NPC1: variants seen among roughly 807,000 people sequenced by gnomAD.
NPC1 encodes NPC intracellular cholesterol transporter 1.
A neutral mutation model predicts 140.4 loss-of-function variants in NPC1; 85 were observed. The ratio of observed to expected loss-of-function variants is 0.61; its 90% CI spans 0.51 to 0.72. NPC1 has a LOEUF of 0.72. Ranked by LOEUF, NPC1 falls within the 30% of genes least tolerant of loss-of-function variation. The pLI is 0.00. For synonymous variants in NPC1, 656 were observed against 624.8 expected (o/e 1.05, Z -0.74); for missense variants, 1,504 against 1,623.8 (o/e 0.93, Z 1.27).
Position 23,508,151 on chromosome 18 carries a change from T to C in NPC1, c.432-1509A>G, listed in dbSNP as rs147263748. 7.4e-3 allele frequency: 7,006 copies of C among 946,854 alleles called. 60 individuals are homozygous for C. The highest frequency in any genetic ancestry group is 7.3e-3 in the Non-Finnish European group (4,839 of 663,026). 58.7% of individuals were successfully genotyped at this position (946,854 alleles called of 1,614,324 possible). A position where few individuals can be genotyped will look rare whatever the true frequency, so the allele number is the denominator to read the frequency against. ...AGGGAGCACAGACTTGAAGTCAGACTGTCCCTCATGTTGATTCCCAAACTG... is the reference window on the plus strand; with the variant it reads ...AGGGAGCACAGACTTGAAGTCAGACCGTCCCTCATGTTGATTCCCAAACTG... On this transcript the variant is annotated intron_variant, in intron 3 of 3. Transcript: ENST00000591107.
chr18:23,508,188 G>C, intron 3 of NPC1: 1 of 660,648 alleles, frequency 1.5e-6, no homozygotes, highest in Non-Finnish European at 2.4e-6. Context: ...AGTCAGGCGG[G>C]GTGTTTGCTT....
At chr18:23,571,957 T>C (rs1016070084) in intron 3 of NPC1, 117 bp downstream of exon 3, 8 of 443,338 alleles carry the variant, frequency 1.8e-5, no homozygotes, top group African/African-American at 1.2e-4. Flanking sequence ...ATAATATACA[T>C]ATAATATAGA....
rs1294716552 is a variant in NPC1 at position 23,565,156 on chromosome 18, T to C, written c.464-3629A>G. ...CTATTCTAAGTCCCTCAAACTTCTATGTGAATTTCAGAATCAGCTTGTCAA... is the reference window on the plus strand; with the variant it reads ...CTATTCTAAGTCCCTCAAACTTCTACGTGAATTTCAGAATCAGCTTGTCAA... On this transcript the variant is annotated intron_variant, in intron 4 of 24. Transcript: ENST00000269228. Among the ~76,000 whole-genome samples, 11 of 152,348 alleles carry C rather than the reference T, an allele frequency of 7.2e-5. No individual in the cohort carries two copies. In the East Asian group the frequency reaches 1.9e-3, roughly 27 times the overall value.
chr18:23,578,779 T>C (rs2059322764), intron 1 of NPC1, among the ~76,000 whole-genome samples: 1 of 152,224 alleles, frequency 6.6e-6, no homozygotes, highest in South Asian at 2.1e-4. Flanking sequence ...TTTCCTCTAT[T>C]TGTATTTCCT....
downstream of NPC1, chr18:23,529,922 CAG>C (rs1396638054): frequency 3.4e-5 from 39 of 1,159,448 alleles, no homozygotes; most frequent in Non-Finnish European, 4.7e-5. Context: ...CTTGTAATGA[CAG>C]ACTTTTACTG....
intron 10 of NPC1, among the ~76,000 whole-genome samples, chr18:23,549,742 C>CAT (rs1555635578): frequency 5.1e-5 from 7 of 138,008 alleles, no homozygotes; most frequent in African/African-American, 1.9e-4. Flanking sequence ...TTTTTCACAA[C>CAT]TTTTTTTTTT....
At position 23,545,164 on chromosome 18, in the gene NPC1, A is replaced by G. The variant is rs755600050; in HGVS notation, c.1758-15T>C. On this transcript the variant is annotated splice_polypyrimidine_tract_variant and intron_variant, in intron 11 of 24. Coordinates refer to ENST00000269228, the MANE Select transcript of NPC1 (RefSeq NM_000271.5). ...AATTAATAAACCTAAAAGGTAAGCA[A>G]AATGTTATATTTTTAGTTAAACTAA... 1.1e-5 allele frequency: 17 copies of G among 1,575,688 alleles called. 1 individual carries two copies. The Admixed American group carries it at 1.7e-4, about 15-fold the overall frequency.
chr18:23,539,266 A>G, intron 19 of NPC1, 89 bp downstream of exon 19: 1 of 854,406 alleles, frequency 1.2e-6, no homozygotes, highest in Non-Finnish European at 2.0e-6. Flanking sequence ...ACAAATAGGT[A>G]TAAACTGAGG....
chr18:23,550,438 T>G (rs2058851696), intron 10 of NPC1, among the ~76,000 whole-genome samples: 1 of 151,588 alleles, frequency 6.6e-6, no homozygotes, highest in African/African-American at 2.4e-5. Flanking sequence ...AAAAATTATT[T>G]TTAAAAATGC....
intron 10 of NPC1, among the ~76,000 whole-genome samples, chr18:23,551,384 A>G (rs1032219064): frequency 1.3e-5 from 2 of 152,216 alleles, no homozygotes; most frequent in African/African-American, 4.8e-5. Context: ...GGGGAAAGGT[A>G]CTTAGCCTTC....
intron 1 of NPC1, among the ~76,000 whole-genome samples, chr18:23,577,721 C>T (rs1367821677): frequency 1.3e-5 from 2 of 152,312 alleles, no homozygotes; most frequent in East Asian, 1.9e-4. Context: ...CAGGAGGCCA[C>T]GGAGGGGGTG....
downstream of NPC1, chr18:23,529,243 T>C (rs745331500): frequency 6.2e-7 from 1 of 1,614,070 alleles, no homozygotes; most frequent in East Asian, 2.2e-5. Flanking sequence ...ACCCAGGCGG[T>C]GCTGGACCAG....
At chr18:23,570,309 A>T (rs2059182959) in intron 3 of NPC1, among the ~76,000 whole-genome samples, 1 of 152,194 alleles carries the variant, frequency 6.6e-6, no homozygotes, top group Non-Finnish European at 1.5e-5. Flanking sequence ...GATAATATGG[A>T]GAAAGGTTGG....
intron 14 of NPC1, among the ~76,000 whole-genome samples, chr18:23,542,058 A>C (rs183471462): frequency 4.6e-5 from 7 of 152,160 alleles, no homozygotes; most frequent in African/African-American, 1.7e-4. Flanking sequence ...AACAACAACA[A>C]CACAGACCTT....
At chr18:23,529,798 G>T, downstream of NPC1, 6 of 1,311,816 alleles carry the variant, frequency 4.6e-6, no homozygotes, top group Non-Finnish European at 6.5e-6. Flanking sequence ...TGACTCATAT[G>T]CTAAGACAGG....
chr18:23,568,720 GA>G, intron 4 of NPC1, 102 bp downstream of exon 4: 1 of 943,452 alleles, frequency 1.1e-6, no homozygotes, highest in Non-Finnish European at 1.7e-6. Context: ...CAATGGAACT[GA>G]AAATTGTGAT....
chr18:23,530,198 C>CA (rs778661046), downstream of NPC1: 5 of 1,613,980 alleles, frequency 3.1e-6, no homozygotes, highest in African/African-American at 6.7e-5. Context: ...GTTATCTTTC[C>CA]AACTGAAGTG....
chr18:23,518,687 C>T (rs2058070699), downstream of NPC1, among the ~76,000 whole-genome samples: 1 of 152,164 alleles, frequency 6.6e-6, no homozygotes, highest in Admixed American at 6.5e-5. Flanking sequence ...ATATTATGAT[C>T]AAGCTGTGTT....
At chr18:23,584,540 G>C (rs1038931696) in intron 1 of NPC1, among the ~76,000 whole-genome samples, 11 of 152,178 alleles carry the variant, frequency 7.2e-5, no homozygotes, top group African/African-American at 2.7e-4. Flanking sequence ...TTGGGTACTT[G>C]AGATTTAAAA....
Sources: gnomAD v4.1 joint callset for allele counts (sites outside exome capture counted in the v4.1 genomes callset) on GRCh38, gnomAD v4.1.1 for gene constraint, MANE v1.5 for transcripts, NCBI Gene and HGNC (gene_info 2026-07-23, HGNC 2026-07-21) for gene names.